The following LCOR variants were observed in gnomAD, a reference collection of about 807,000 sequenced individuals.
The protein encoded by LCOR is ligand dependent nuclear receptor corepressor.
Under a neutral mutation model 64.4 loss-of-function variants are expected in LCOR, and 14 were observed. That is an observed-to-expected ratio of 0.22 (90% CI 0.14 to 0.34). The LOEUF is 0.34. LCOR is among the 10% of genes least tolerant of loss of function. LCOR has a pLI of 1.00. For synonymous variants in LCOR, 643 were observed against 642.5 expected (o/e 1.00, Z -0.01); for missense variants, 1,686 against 1,765.3 (o/e 0.96, Z 0.80).
intron 4 of LCOR, among the ~76,000 whole-genome samples, chr10:96,930,065 A>T (rs931239228): frequency 6.6e-6 from 1 of 152,198 alleles, no homozygotes; most frequent in African/African-American, 2.4e-5. Context: ...AAAAGATTGA[A>T]ATATTGCAAA....
Position 96,984,941 on chromosome 10 carries a change from C to G in LCOR, c.4481C>G (p.Pro1494Arg). 1 of 1,614,130 alleles carries G rather than the reference C, an allele frequency of 6.2e-7. No individual in the cohort carries two copies. Among genetic ancestry groups the G allele is most frequent in the Non-Finnish European group, 8.5e-7 (1 of 1,180,028 alleles). ...QSIASETLTK[P>R]AKQKGAGESS... ...ATTGCCTCGGAAACACTGACGAAAC[C>G]TGCAAAACAGAAGGGGGCCGGTGAA... The change falls in exon 8 of 8, where the codon CCT (proline) becomes CGT (arginine). Residue 1494 changes from proline (P) to arginine (R), a missense_variant. This residue lies in a region of LCOR where 1,293 missense variants were observed against 1,410.4 expected (regional missense o/e 0.92). Transcript: ENST00000421806.
chr10:96,898,307 A>G (rs1846577246), intron 2 of LCOR, among the ~76,000 whole-genome samples: 1 of 152,140 alleles, frequency 6.6e-6, no homozygotes, highest in South Asian at 2.1e-4. Flanking sequence ...AGTGGCGTGG[A>G]AGCATTGACA....
intron 7 of LCOR, among the ~76,000 whole-genome samples, chr10:96,977,039 T>C (rs1432962750): frequency 6.6e-6 from 1 of 151,172 alleles, no homozygotes; most frequent in Non-Finnish European, 1.5e-5. Flanking sequence ...GAGTATGTTC[T>C]TTGATGCATT....
intron 4 of LCOR, among the ~76,000 whole-genome samples, chr10:96,941,422 C>T (rs1453988195): frequency 6.8e-6 from 1 of 146,310 alleles, no homozygotes; most frequent in Admixed American, 6.7e-5. Context: ...GCTGACCCCC[C>T]ACCTCCCTCC....
At chr10:96,901,253 A>G (rs1846632348) in intron 2 of LCOR, among the ~76,000 whole-genome samples, 1 of 152,118 alleles carries the variant, frequency 6.6e-6, no homozygotes, top group Non-Finnish European at 1.5e-5. Context: ...CCCTGGACTC[A>G]AGCAGTCCTT....
intron 4 of LCOR, among the ~76,000 whole-genome samples, chr10:96,919,196 G>C (rs2134469148): frequency 6.6e-6 from 1 of 152,280 alleles, no homozygotes; most frequent in Middle Eastern, 3.4e-3. Flanking sequence ...AGTGATCTGA[G>C]TAAGTTTAGA....
chr10:96,983,842 T>C lies in LCOR; in HGVS notation c.3382T>C (p.Leu1128=), dbSNP rs147695616. The C allele has an allele frequency of 6.2e-6, 10 of 1,613,814 alleles. No homozygotes were observed. The Admixed American group carries it at 1.3e-4, about 22-fold the overall frequency. The change falls in exon 8 of 8, where the codon TTG becomes CTG. Residue 1128 remains leucine (L), a synonymous_variant. Transcript: ENST00000421806. The surrounding 1 kb of genome is among the most constrained non-coding windows in gnomAD (Gnocchi z 4.5). The part of the protein sequence containing the change: ...YMKVQKGWIQ[L]EKEGQPTPRA... ...GAAAGTTCAGAAGGGCTGGATCCAG[T>C]TGGAGAAAGAAGGACAGCCAACACC...
At chr10:96,922,339 T>C (rs757705703) in intron 4 of LCOR, among the ~76,000 whole-genome samples, 11 of 152,172 alleles carry the variant, frequency 7.2e-5, no homozygotes, top group Non-Finnish European at 1.2e-4. Context: ...GCCACAGATA[T>C]TATTTTCAAG....
chr10:96,981,965 G>A lies in LCOR; in HGVS notation c.1505G>A (p.Arg502Gln), dbSNP rs754030732. 3.7e-6 allele frequency: 6 copies of A among 1,614,038 alleles called. No homozygotes were observed. The highest frequency in any genetic ancestry group is 5.1e-6 in the Non-Finnish European group (6 of 1,180,038). ...CGGAAAACAGCCAGAAAGAGTACTCGAGGATACTTTTTCAATGGTGACTGT... is the reference window on the plus strand; with the variant it reads ...CGGAAAACAGCCAGAAAGAGTACTCAAGGATACTTTTTCAATGGTGACTGT... ...SSRKTARKST[R>Q]GYFFNGDCCE... Residue 502 changes from arginine (R) to glutamine (Q), a missense_variant, in exon 8 of 8, where the codon CGA (arginine) becomes CAA (glutamine). Arg to Gln is a conservative substitution (Grantham distance 43). Around this residue, in one of 3 missense-constraint regions of LCOR, gnomAD observed 1,293 missense variants for 1,410.4 expected, o/e 0.92. Transcript: ENST00000421806.
Position 96,985,235 on chromosome 10 carries a change from T to G in LCOR, c.*101T>G. The G allele has an allele frequency of 7.3e-7, 1 of 1,377,490 alleles. No homozygotes were observed. Among genetic ancestry groups the G allele is most frequent in the Non-Finnish European group, 9.6e-7 (1 of 1,045,592 alleles). The allele number at this position is 1,377,490 out of a possible 1,614,324, so 85.3% of individuals were successfully genotyped here. Reference sequence around the variant, plus strand: ...TATAAGCTTATCAAGCCTTTCAAATTTACAGTTAATGGAGAACACCGTAAT... The same window carrying G: ...TATAAGCTTATCAAGCCTTTCAAATGTACAGTTAATGGAGAACACCGTAAT... On this transcript the variant is annotated 3_prime_UTR_variant, in exon 8 of 8. Coordinates refer to ENST00000421806, the MANE Select transcript of LCOR (RefSeq NM_001346516.2).
intron 2 of LCOR, among the ~76,000 whole-genome samples, chr10:96,899,328 C>T (rs1485341020): frequency 6.6e-6 from 1 of 152,046 alleles, no homozygotes; most frequent in African/African-American, 2.4e-5. Context: ...AATATCTTAA[C>T]GGCAGGGCAT....
At chr10:96,937,948 A>G (rs1031285156) in intron 4 of LCOR, among the ~76,000 whole-genome samples, 1 of 152,134 alleles carries the variant, frequency 6.6e-6, no homozygotes, top group African/African-American at 2.4e-5. Flanking sequence ...CTATTTATTT[A>G]TTTATTTATT....
rs555241991 is a variant in LCOR, at chr10:96,976,686, C to T, written c.333-4107C>T. Among the ~76,000 whole-genome samples, 25 of 152,318 alleles carry T rather than the reference C, an allele frequency of 1.6e-4. 1 individual carries two copies. In the South Asian group the frequency reaches 5.2e-3, roughly 32 times the overall value. On this transcript the variant is annotated intron_variant, in intron 7 of 7. Coordinates refer to ENST00000421806, the MANE Select transcript of LCOR (RefSeq NM_001346516.2). Reference sequence around the variant, plus strand: ...AAGGAAGTTAGATAATACCTGTGAACTAAATTATTACTCATTTATTCTGTG... The same window carrying T: ...AAGGAAGTTAGATAATACCTGTGAATTAAATTATTACTCATTTATTCTGTG...
intron 4 of LCOR, among the ~76,000 whole-genome samples, chr10:96,916,859 C>T (rs1846960623): frequency 6.6e-6 from 1 of 152,150 alleles, no homozygotes; most frequent in Admixed American, 6.5e-5. Context: ...AAGTGATCTG[C>T]CTGCCTTGGC....
rs34176037 is a variant in LCOR at position 96,935,139 on chromosome 10, C to CTT, written c.-183-8948_-183-8947dup. Among the ~76,000 whole-genome samples the CTT allele has an allele frequency of 1.4e-3, 89 of 65,558 alleles. 5 individuals are homozygous for CTT. The highest frequency in any genetic ancestry group is 1.5e-3 in the Non-Finnish European group (51 of 33,948). 43.0% of individuals were successfully genotyped at this position (65,558 alleles called of 152,430 possible). The stretch of plus-strand genomic sequence containing the variant: ...TTTTCCTTATCTCCTGGCTATTTTA[C>CTT]TTTTTTTTTTTTTTTTTTTTTTTTT... On this transcript the variant is annotated intron_variant, in intron 4 of 7. Coordinates refer to ENST00000421806, the MANE Select transcript of LCOR (RefSeq NM_001346516.2).
chr10:96,982,544 T>C lies in LCOR; in HGVS notation c.2084T>C (p.Ile695Thr), dbSNP rs765880547. 2.5e-6 allele frequency: 4 copies of C among 1,614,098 alleles called. No homozygotes were observed. The East Asian group carries it at 8.9e-5, about 36-fold the overall frequency. Residue 695 changes from isoleucine (I) to threonine (T), a missense_variant, in exon 8 of 8, where the codon ATA becomes ACA. Ile to Thr is a moderately conservative substitution (Grantham distance 89). Coordinates refer to ENST00000421806, the MANE Select transcript of LCOR (RefSeq NM_001346516.2). ...TCTAGGCCTCATTCTCCTCCTGAAA[T>C]AGTCAGTAGAGAAGAAAGTCCTCAG... ...VISRPHSPPE[I>T]VSREESPQCS...
At chr10:96,841,853 A>G (rs548267624) in intron 2 of LCOR, among the ~76,000 whole-genome samples, 11 of 151,768 alleles carry the variant, frequency 7.2e-5, no homozygotes, top group East Asian at 1.9e-4. Flanking sequence ...TCCCACCTCA[A>G]CGTCCCAAAG....
At chr10:96,894,366 C>T (rs1037574999) in intron 2 of LCOR, among the ~76,000 whole-genome samples, 3 of 152,226 alleles carry the variant, frequency 2.0e-5, no homozygotes, top group Admixed American at 1.3e-4. Flanking sequence ...CATGAGCCAC[C>T]GCATCCGGCC....
intron 2 of LCOR, among the ~76,000 whole-genome samples, chr10:96,844,284 G>A (rs1845591398): frequency 6.6e-6 from 1 of 151,492 alleles, no homozygotes; most frequent in African/African-American, 2.4e-5. Context: ...CCTAGTAGCT[G>A]GGACTATGGG....
Sources: gnomAD v4.1 joint callset for allele counts (sites outside exome capture counted in the v4.1 genomes callset) on GRCh38, gnomAD v4.1.1 for gene constraint, gnomAD v4.1.1 regional missense constraint, Gnocchi (gnomAD v3.1) non-coding constraint, MANE v1.5 for transcripts, NCBI Gene and HGNC (gene_info 2026-07-23, HGNC 2026-07-21) for gene names.